USP34: variants seen among roughly 807,000 people sequenced by gnomAD.
USP34 encodes the protein ubiquitin carboxyl-terminal hydrolase 34.
Under a neutral mutation model 460.3 loss-of-function variants are expected in USP34, and 70 were observed. The observed-to-expected ratio is 0.15, with a 90% CI of 0.13 to 0.19. The LOEUF (loss-of-function observed/expected upper bound fraction) is 0.19. Among genes scored for constraint, USP34 ranks in the 10% least tolerant of loss-of-function variants. The pLI is 1.00. For synonymous variants in USP34, 1,647 were observed against 1,405.3 expected, an observed-to-expected ratio of 1.17 and a Z score of -3.85; for missense variants, 3,985 against 4,236.2, an observed-to-expected ratio of 0.94 and a Z score of 1.65.
intron 8 of USP34, among the ~76,000 whole-genome samples, chr2:61,371,048 C>G (rs1254944129): frequency 6.6e-6 from 1 of 152,078 alleles, no homozygotes; most frequent in Non-Finnish European, 1.5e-5. Flanking sequence ...ATTGAAGATT[C>G]AATAGATGAA....
intron 2 of USP34, among the ~76,000 whole-genome samples, chr2:61,417,577 G>C (rs866644787): frequency 6.6e-6 from 1 of 151,852 alleles, no homozygotes; most frequent in African/African-American, 2.4e-5. Context: ...ATATACAAAA[G>C]AAGTTGTAAG....
intron 1 of USP34, among the ~76,000 whole-genome samples, chr2:61,459,594 G>A (rs1344956206): frequency 6.6e-6 from 1 of 152,088 alleles, no homozygotes; most frequent in East Asian, 1.9e-4. Flanking sequence ...GGCCAACACG[G>A]TGAAACCCCG....
Position 61,278,165 on chromosome 2 carries a change from C to G in USP34, c.5433G>C (p.Gln1811His). The change falls in exon 41 of 80, where the codon CAG becomes CAC. Residue 1811 changes from glutamine (Q) to histidine (H), a missense_variant and splice_region_variant. Gln to His is a conservative substitution (Grantham distance 24, BLOSUM62 0). Around this residue, in one of 14 missense-constraint regions of USP34, gnomAD observed 1,114 missense variants for 1,122.5 expected, o/e 0.99. Transcript: ENST00000398571. ...AACATTTGATTATCTTAACACTTAC[C>G]TGTCCTTCCCTTGAAAATTTAAAGG... ...KPPFKFSREG[Q>H]EFLRDIFNLL... is the part of the protein sequence containing the mutation. The G allele has an allele frequency of 6.2e-7, 1 of 1,612,346 alleles. No individual in the cohort carries two copies. The highest frequency in any genetic ancestry group is 1.1e-5 in the South Asian group (1 of 90,796).
intron 1 of USP34, among the ~76,000 whole-genome samples, chr2:61,458,593 C>A (rs1695505446): frequency 7.7e-6 from 1 of 129,528 alleles, no homozygotes. Flanking sequence ...TATAAAGGCT[C>A]AGTGTCATCA....
chr2:61,243,150 T>C (rs1401669845), intron 51 of USP34, among the ~76,000 whole-genome samples: 1 of 137,558 alleles, frequency 7.3e-6, no homozygotes, highest in Admixed American at 7.2e-5. Context: ...CCAGCGTACA[T>C]TTTATATTTT....
At chr2:61,277,300 G>C (rs1449134134) in intron 41 of USP34, among the ~76,000 whole-genome samples, 2 of 148,706 alleles carry the variant, frequency 1.3e-5, no homozygotes, top group African/African-American at 2.5e-5. Context: ...GCAGTGGTGT[G>C]ATCATGGCTC....
intron 16 of USP34, among the ~76,000 whole-genome samples, chr2:61,342,216 T>C (rs1558538950): frequency 2.0e-5 from 3 of 152,176 alleles, no homozygotes; most frequent in African/African-American, 7.2e-5. Context: ...TCAATAGGTA[T>C]GTAGTAGTGC....
At chr2:61,269,392 C>T (rs1689148127) in intron 41 of USP34, among the ~76,000 whole-genome samples, 1 of 150,474 alleles carries the variant, frequency 6.6e-6, no homozygotes, top group South Asian at 2.1e-4. Context: ...TCTCCAACTC[C>T]TGGGCTCAAG....
chr2:61,433,093 T>C (rs1409081155), intron 1 of USP34, among the ~76,000 whole-genome samples: 1 of 152,092 alleles, frequency 6.6e-6, no homozygotes, highest in East Asian at 1.9e-4. Context: ...GGTTAACAAA[T>C]AAACAGCTAA....
intron 7 of USP34, among the ~76,000 whole-genome samples, chr2:61,379,095 C>T (rs1293846256): frequency 6.6e-6 from 1 of 152,030 alleles, no homozygotes; most frequent in Non-Finnish European, 1.5e-5. Context: ...CAGATAAATC[C>T]ACTCAAGATT....
chr2:61,348,708 C>G (rs754894954), intron 14 of USP34, 48 bp downstream of exon 14: 4 of 1,581,656 alleles, frequency 2.5e-6, no homozygotes, highest in Non-Finnish European at 3.4e-6. Flanking sequence ...GATAAACACG[C>G]CAGAAAGCCA....
At chr2:61,233,130 T>G (rs919958872) in intron 57 of USP34, among the ~76,000 whole-genome samples, 2 of 152,054 alleles carry the variant, frequency 1.3e-5, no homozygotes, top group Non-Finnish European at 2.9e-5. Context: ...AAAGTGCTGG[T>G]ATTATAGGCG....
intron 18 of USP34, among the ~76,000 whole-genome samples, chr2:61,337,032 T>A (rs1477913519): frequency 6.6e-6 from 1 of 152,112 alleles, no homozygotes; most frequent in Non-Finnish European, 1.5e-5. Flanking sequence ...TATTGAAGTA[T>A]AATAAACATA....
intron 1 of USP34, among the ~76,000 whole-genome samples, chr2:61,436,358 C>T (rs968659833): frequency 6.6e-6 from 1 of 152,076 alleles, no homozygotes; most frequent in Non-Finnish European, 1.5e-5. Flanking sequence ...AGTGAAAGGA[C>T]GGGAAAAGAC....
At chr2:61,213,417 G>A (rs72811458) in intron 68 of USP34, among the ~76,000 whole-genome samples, 21,978 of 152,184 alleles carry the variant, frequency 0.14, 2,146 homozygotes, top group South Asian at 0.35. Flanking sequence ...ATAAAGGACG[G>A]TCTGTCTTTA....
chr2:61,292,580 G>C (rs1381726050), intron 33 of USP34, among the ~76,000 whole-genome samples: 1 of 152,134 alleles, frequency 6.6e-6, no homozygotes, highest in African/African-American at 2.4e-5. Flanking sequence ...TAGCTGATGA[G>C]CTAACAAATT....
At position 61,225,099 on chromosome 2, in the gene USP34, CATTTTCTGTAACAG is replaced by C. The variant is rs577173087; in HGVS notation, c.7596-1817_7596-1804del. ...TTTCAGAAAACAGTGGTAGGTAAAA[CATTTTCTGTAACAG>C]ATTTTCTGTAACAGATTTTCTGTTT... On this transcript the variant is annotated intron_variant, in intron 62 of 79. Coordinates refer to ENST00000398571, the MANE Select transcript of USP34 (RefSeq NM_014709.4). Among the ~76,000 whole-genome samples, 112 of 152,222 alleles carry C rather than the reference CATTTTCTGTAACAG, an allele frequency of 7.4e-4. No homozygotes were observed. In the South Asian group the frequency reaches 0.016, roughly 22 times the overall value.
At chr2:61,385,103 G>A (rs185363045) in intron 5 of USP34, among the ~76,000 whole-genome samples, 1 of 152,048 alleles carries the variant, frequency 6.6e-6, no homozygotes, top group Non-Finnish European at 1.5e-5. Flanking sequence ...ATTTGTTCCT[G>A]AGAACAAATA....
intron 25 of USP34, among the ~76,000 whole-genome samples, chr2:61,313,808 ATC>A (rs1024763905): frequency 1.3e-5 from 2 of 152,130 alleles, no homozygotes; most frequent in African/African-American, 4.8e-5. Context: ...TGTATAAAAT[ATC>A]TTTACTATGC....
Sources: allele counts gnomAD v4.1 joint callset (sites outside exome capture counted in the v4.1 genomes callset), GRCh38; gene constraint gnomAD v4.1.1; regional missense constraint gnomAD v4.1.1; transcripts MANE v1.5; gene names NCBI Gene and HGNC (gene_info 2026-07-23, HGNC 2026-07-21).